Variants in DLC1 observed in about 807,000 individuals in gnomAD.
DLC1 encodes the protein DLC1 Rho GTPase activating protein, also known as rho GTPase-activating protein 7.
In DLC1, 54 loss-of-function variants were observed where a neutral mutation model predicts 140.3. That is an observed-to-expected ratio of 0.38 (90% confidence interval 0.31 to 0.48). The LOEUF is 0.48. Among genes scored for constraint, DLC1 ranks in the 20% least tolerant of loss-of-function variants. The probability of loss-of-function intolerance (pLI) is 0.96; values close to 1 mark genes in which losing one functional copy is unlikely to be tolerated. For synonymous variants in DLC1, 986 were observed against 728.1 expected, an observed-to-expected ratio of 1.35 and a Z score of -5.70; for missense variants, 2,536 against 1,907.0, an observed-to-expected ratio of 1.33 and a Z score of -6.14.
chr8:13,557,101 C>G lies in DLC1; in HGVS notation c.-126+47436G>C, dbSNP rs532844358. The stretch of plus-strand genomic sequence containing the variant: ...GACAGGGGAAAGCTGCTGGGGAACT[C>G]TGAATGTTATTCTATTTCTAGGGAA... On this transcript the variant is annotated intron_variant, in intron 1 of 1. Coordinates refer to the DLC1 transcript ENST00000631382. Among the ~76,000 whole-genome samples, 14 of 152,286 alleles carry G rather than the reference C, an allele frequency of 9.2e-5. No individual in the cohort carries two copies. The South Asian group carries it at 2.7e-3, about 29-fold the overall frequency.
At chr8:13,580,530 TGG>T (rs1397533952) in intron 1 of DLC1, among the ~76,000 whole-genome samples, 2 of 151,988 alleles carry the variant, frequency 1.3e-5, no homozygotes, top group African/African-American at 4.8e-5. Context: ...CCCTCAGTGG[TGG>T]GGGTCATTGC....
chr8:13,601,337 G>C (rs555057445), intron 1 of DLC1, among the ~76,000 whole-genome samples: 1 of 151,762 alleles, frequency 6.6e-6, no homozygotes, highest in Non-Finnish European at 1.5e-5. Context: ...AGTGTATAGG[G>C]CCCTGTCTGA....
At chr8:13,236,612 A>T (rs1829294305) in intron 5 of DLC1, among the ~76,000 whole-genome samples, 1 of 152,132 alleles carries the variant, frequency 6.6e-6, no homozygotes, top group Non-Finnish European at 1.5e-5. Flanking sequence ...GAACTTACTG[A>T]ACTCTGACAA....
At chr8:13,494,797 A>G (rs1265550997) in intron 2 of DLC1, among the ~76,000 whole-genome samples, 1 of 152,070 alleles carries the variant, frequency 6.6e-6, no homozygotes, top group East Asian at 1.9e-4. Flanking sequence ...CTAAAAATAT[A>G]AAAATTAGCC....
intron 1 of DLC1, among the ~76,000 whole-genome samples, chr8:13,505,752 T>G (rs1802029790): frequency 6.6e-6 from 1 of 152,218 alleles, no homozygotes; most frequent in African/African-American, 2.4e-5. Flanking sequence ...GGTCAGTTCT[T>G]TCAGTTTCCT....
At chr8:13,255,679 T>A (rs1308674615) in intron 5 of DLC1, among the ~76,000 whole-genome samples, 1 of 152,106 alleles carries the variant, frequency 6.6e-6, no homozygotes, top group Non-Finnish European at 1.5e-5. Context: ...GCTGTTCCCT[T>A]CTCTCCTACT....
intron 1 of DLC1, among the ~76,000 whole-genome samples, chr8:13,530,873 T>G (rs1488512051): frequency 5.9e-5 from 9 of 152,212 alleles, no homozygotes; most frequent in African/African-American, 2.2e-4. Flanking sequence ...ACTCTTTATA[T>G]ACAAATATTT....
At chr8:13,317,276 A>G (rs1832897195) in intron 4 of DLC1, among the ~76,000 whole-genome samples, 1 of 152,214 alleles carries the variant, frequency 6.6e-6, no homozygotes, top group African/African-American at 2.4e-5. Context: ...ATTAACTAGG[A>G]AGTATGAAAA....
rs914076247 is a variant in DLC1, at chr8:13,133,171, C to G, written c.1349-17514G>C. Reference sequence around the variant, plus strand: ...AAGCGGGGTTTTCTAAAGATCGAAACGAGGGAGCGCTCAGGGAGTTGGGCG... The same window carrying G: ...AAGCGGGGTTTTCTAAAGATCGAAAGGAGGGAGCGCTCAGGGAGTTGGGCG... On this transcript the variant is annotated intron_variant, in intron 5 of 17. Transcript: ENST00000276297. 19 of 1,436,146 alleles carry G rather than the reference C, an allele frequency of 1.3e-5. No homozygotes were observed. The African/African-American group carries it at 1.9e-4, about 14-fold the overall frequency. 89.0% of individuals were successfully genotyped at this position (1,436,146 alleles called of 1,614,324 possible).
chr8:13,169,951 T>G (rs181705215), intron 5 of DLC1, among the ~76,000 whole-genome samples: 9 of 151,146 alleles, frequency 6.0e-5, no homozygotes, highest in Non-Finnish European at 1.3e-4. Context: ...GTCTGGGAGG[T>G]CAAGGTGGCG....
At chr8:13,248,474 G>A (rs1393823303) in intron 5 of DLC1, among the ~76,000 whole-genome samples, 1 of 152,104 alleles carries the variant, frequency 6.6e-6, no homozygotes, top group South Asian at 2.1e-4. Context: ...TCAAGTTCAT[G>A]TCAATCCAAT....
chr8:13,113,034 A>G (rs1443671830), intron 6 of DLC1, among the ~76,000 whole-genome samples: 1 of 152,228 alleles, frequency 6.6e-6, no homozygotes, highest in East Asian at 1.9e-4. Context: ...CCAGAGCCAT[A>G]TTTTAGATTC....
chr8:13,276,401 C>T, intron 5 of DLC1: 1 of 1,483,470 alleles, frequency 6.7e-7, no homozygotes, highest in South Asian at 1.3e-5. Flanking sequence ...GGTCCCCCAT[C>T]CGCTCGCAGA....
intron 2 of DLC1, among the ~76,000 whole-genome samples, chr8:13,416,073 T>G (rs1012285991): frequency 1.3e-5 from 2 of 152,200 alleles, no homozygotes; most frequent in African/African-American, 4.8e-5. Context: ...CTGAGGGTCA[T>G]TTCTTTTTGA....
At chr8:13,523,064 T>G (rs1802809900) in intron 1 of DLC1, among the ~76,000 whole-genome samples, 1 of 152,202 alleles carries the variant, frequency 6.6e-6, no homozygotes, top group African/African-American at 2.4e-5. Context: ...CAGTTTCAAT[T>G]TCATTCAGTG....
At chr8:13,385,028 A>G (rs945016079) in intron 4 of DLC1, among the ~76,000 whole-genome samples, 2 of 152,160 alleles carry the variant, frequency 1.3e-5, no homozygotes, top group African/African-American at 4.8e-5. Flanking sequence ...AAAGAAGGCC[A>G]ATATATAAAA....
chr8:13,099,140 T>C (rs1463284804), intron 9 of DLC1, among the ~76,000 whole-genome samples: 1 of 152,118 alleles, frequency 6.6e-6, no homozygotes, highest in African/African-American at 2.4e-5. Context: ...TCCAGAACTT[T>C]TTTCATCTTC....
chr8:13,431,511 A>AAAAAAAAAAG (rs1838868253), intron 2 of DLC1, among the ~76,000 whole-genome samples: 20 of 132,152 alleles, frequency 1.5e-4, no homozygotes, highest in African/African-American at 5.3e-4. Context: ...AAAAAAAAAA[A>AAAAAAAAAAG]AAAAGAAAAG....
chr8:13,509,437 T>C (rs1189466700), intron 1 of DLC1, among the ~76,000 whole-genome samples: 4 of 152,210 alleles, frequency 2.6e-5, no homozygotes, highest in Non-Finnish European at 5.9e-5. Flanking sequence ...TTGTCTTCCA[T>C]ACATCTCTAT....
Sources: gnomAD v4.1 joint callset for allele counts (sites outside exome capture counted in the v4.1 genomes callset) on GRCh38, gnomAD v4.1.1 for gene constraint, MANE v1.5 for transcripts, NCBI Gene and HGNC (gene_info 2026-07-23, HGNC 2026-07-21) for gene names.